UBE2V1: variants seen among roughly 807,000 people sequenced by gnomAD.
The protein encoded by UBE2V1 is ubiquitin-conjugating enzyme E2 variant 1.
A neutral mutation model predicts 19.6 loss-of-function variants in UBE2V1; 15 were observed. The ratio of observed to expected loss-of-function variants is 0.77; its 90% confidence interval spans 0.51 to 1.18. UBE2V1 has a LOEUF of 1.18. UBE2V1 is among the 50% of genes most tolerant of loss of function. The pLI is 0.00. For synonymous variants in UBE2V1, 60 were observed against 60.7 expected (o/e 0.99, Z 0.05); for missense variants, 125 against 184.8 (o/e 0.68, Z 1.88).
chr20:50,096,954 C>T, intron 1 of UBE2V1, 134 bp from the exon 2 acceptor site: 1 of 1,389,444 alleles, frequency 7.2e-7, no homozygotes. Flanking sequence ...GTTATCACAC[C>T]TCAAACTTGC....
At chr20:50,104,107 C>A (rs1049337341) in intron 1 of UBE2V1, among the ~76,000 whole-genome samples, 4 of 149,566 alleles carry the variant, frequency 2.7e-5, no homozygotes, top group African/African-American at 7.4e-5. Flanking sequence ...CGTGGTGAAA[C>A]CCTGTCTCTA....
At chr20:50,093,132 G>T (rs1479482282) in intron 2 of UBE2V1, among the ~76,000 whole-genome samples, 1 of 152,248 alleles carries the variant, frequency 6.6e-6, no homozygotes, top group East Asian at 1.9e-4. Context: ...TATACTCAAA[G>T]ACAATGATGT....
At chr20:50,109,959 G>C (rs753282093) in intron 1 of UBE2V1, among the ~76,000 whole-genome samples, 1 of 152,312 alleles carries the variant, frequency 6.6e-6, no homozygotes, top group Admixed American at 6.5e-5. Flanking sequence ...AAGGGACTGT[G>C]AGTTTTCATC....
chr20:50,101,060 A>G (rs1271095913), intron 1 of UBE2V1, among the ~76,000 whole-genome samples: 2 of 152,246 alleles, frequency 1.3e-5, no homozygotes, highest in Non-Finnish European at 2.9e-5. Context: ...AAGCCCACAC[A>G]TACAACTGAA....
intron 1 of UBE2V1, among the ~76,000 whole-genome samples, chr20:50,099,243 C>T (rs916830423): frequency 6.6e-6 from 1 of 152,162 alleles, no homozygotes; most frequent in Non-Finnish European, 1.5e-5. Context: ...AATTTATATA[C>T]TTAAGTCCTA....
intron 1 of UBE2V1, among the ~76,000 whole-genome samples, chr20:50,103,203 C>T (rs2080119954): frequency 6.6e-6 from 1 of 152,172 alleles, no homozygotes; most frequent in Non-Finnish European, 1.5e-5. Context: ...CTAGAGTAAG[C>T]ACCCAAATAC....
intron 1 of UBE2V1, among the ~76,000 whole-genome samples, chr20:50,100,121 TAATA>T (rs929272555): frequency 1.3e-5 from 2 of 150,416 alleles, no homozygotes; most frequent in Non-Finnish European, 3.0e-5. Flanking sequence ...AAACAAAAAA[TAATA>T]AATAAATTAG....
intron 2 of UBE2V1, chr20:50,095,923 C>A (rs1334330116): frequency 1.3e-5 from 2 of 152,214 alleles, no homozygotes; most frequent in Non-Finnish European, 2.9e-5. Context: ...TTGGGGGTTA[C>A]CAGCTATGTG....
At chr20:50,100,635 C>T (rs952712147) in intron 1 of UBE2V1, among the ~76,000 whole-genome samples, 1 of 152,070 alleles carries the variant, frequency 6.6e-6, no homozygotes, top group African/African-American at 2.4e-5. Flanking sequence ...AGTATAACAG[C>T]TTCTACAGTT....
rs1412983709 is a variant in UBE2V1, at chr20:50,094,019, T to A, written c.171+2653A>T. ...AAAAAAAAAAAAAAAAAAATAATAATAATAATAATAATAAAATATATATAT... is the reference window on the plus strand; with the variant it reads ...AAAAAAAAAAAAAAAAAAATAATAAAAATAATAATAATAAAATATATATAT... On this transcript the variant is annotated intron_variant, in intron 2 of 3. Transcript: ENST00000371674. 3.2e-3 allele frequency among the ~76,000 whole-genome samples: 344 copies of A among 106,434 alleles called. 2 individuals are homozygous for A. Among genetic ancestry groups the A allele is most frequent in the African/African-American group, 0.011 (263 of 24,970 alleles). 69.8% of individuals were successfully genotyped at this position (106,434 alleles called of 152,430 possible). A position where few individuals can be genotyped will look rare whatever the true frequency, so the allele number is the denominator to read the frequency against.
At chr20:50,096,368 T>C in intron 2 of UBE2V1, 1 of 441,126 alleles carries the variant, frequency 2.3e-6, no homozygotes. Flanking sequence ...GGCCTAGTTA[T>C]TTGGTTAGCC....
chr20:50,109,334 G>T (rs1316661029), intron 1 of UBE2V1, among the ~76,000 whole-genome samples: 1 of 152,114 alleles, frequency 6.6e-6, no homozygotes, highest in African/African-American at 2.4e-5. Context: ...TTTGTGGGGA[G>T]GTGGGAGGGA....
At chr20:50,115,221 C>T (rs1048399101), upstream of UBE2V1, among the ~76,000 whole-genome samples, 20 of 152,206 alleles carry the variant, frequency 1.3e-4, no homozygotes, top group African/African-American at 4.6e-4. Flanking sequence ...AGGGGCTTTG[C>T]CTGTGCTGTT....
At chr20:50,107,330 C>T (rs2080454038) in intron 1 of UBE2V1, among the ~76,000 whole-genome samples, 1 of 152,202 alleles carries the variant, frequency 6.6e-6, no homozygotes, top group Non-Finnish European at 1.5e-5. Context: ...AGTTTGAGAT[C>T]CATTGCTCTA....
intron 1 of UBE2V1, among the ~76,000 whole-genome samples, chr20:50,110,569 C>T (rs1329570915): frequency 2.0e-5 from 3 of 152,298 alleles, no homozygotes; most frequent in East Asian, 3.9e-4. Context: ...TTTTAGTTTA[C>T]CCCAAGTAAG....
At chr20:50,110,267 A>G (rs2080669099) in intron 1 of UBE2V1, among the ~76,000 whole-genome samples, 1 of 152,228 alleles carries the variant, frequency 6.6e-6, no homozygotes, top group African/African-American at 2.4e-5. Flanking sequence ...GGGGATTCTG[A>G]GGATCTGTGG....
Position 50,096,815 on chromosome 20 carries a change from T to C in UBE2V1, c.28A>G (p.Lys10Glu). 6.2e-7 allele frequency: 1 copy of C among 1,613,868 alleles called. No homozygotes were observed. Among genetic ancestry groups the C allele is most frequent in the Non-Finnish European group, 8.5e-7 (1 of 1,179,876 alleles). ...AACAGTCGGAAATTGCGAGGGACTT[T>C]TACTCCTAAAATAAATGGAAAGAAA... MAATTGSGVKVPRNFRLLEE... is the reference protein window; with the variant it reads MAATTGSGVEVPRNFRLLEE... Residue 10 changes from lysine (K) to glutamate (E), a missense_variant, in exon 2 of 4, where the codon AAA becomes GAA. By Grantham distance (56) the Lys-to-Glu change is moderately conservative. Transcript: ENST00000371674.
chr20:50,106,850 C>A (rs1486140200), intron 1 of UBE2V1, among the ~76,000 whole-genome samples: 2 of 108,262 alleles, frequency 1.8e-5, no homozygotes, highest in African/African-American at 7.4e-5. Flanking sequence ...CCAAAAACAA[C>A]AACAACAACA....
At chr20:50,101,004 C>G (rs1162860353) in intron 1 of UBE2V1, among the ~76,000 whole-genome samples, 3 of 152,218 alleles carry the variant, frequency 2.0e-5, no homozygotes, top group African/African-American at 7.2e-5. Flanking sequence ...TTCCAACATA[C>G]ATTTCTACTG....
Sources: gnomAD v4.1 joint callset for allele counts (sites outside exome capture counted in the v4.1 genomes callset) on GRCh38, gnomAD v4.1.1 for gene constraint, MANE v1.5 for transcripts, NCBI Gene and HGNC (gene_info 2026-07-23, HGNC 2026-07-21) for gene names.